EPB41L3: variants seen among roughly 807,000 people sequenced by gnomAD.
EPB41L3 encodes erythrocyte membrane protein band 4.1 like 3.
EPB41L3 carries 57 observed loss-of-function variants against 127.1 expected under a neutral mutation model. The observed-to-expected ratio is 0.45, with a 90% CI of 0.36 to 0.56. The LOEUF (loss-of-function observed/expected upper bound fraction) is 0.56, where lower values mean the gene tolerates loss of function less well. Among genes scored for constraint, EPB41L3 ranks in the 20% least tolerant of loss-of-function variants. EPB41L3 has a pLI of 0.00. For synonymous variants in EPB41L3, 572 were observed against 549.5 expected, an observed-to-expected ratio of 1.04 and a Z score of -0.57; for missense variants, 1,273 against 1,372.2, an observed-to-expected ratio of 0.93 and a Z score of 1.14.
At chr18:5,570,872 T>C (rs1462416226) in intron 3 of EPB41L3, 1 of 152,242 alleles carries the variant, frequency 6.6e-6, no homozygotes, top group Non-Finnish European at 1.5e-5. Context: ...AAAGTCATTA[T>C]GGAAAGCAAG....
intron 3 of EPB41L3, among the ~76,000 whole-genome samples, chr18:5,557,023 T>C (rs1414768323): frequency 3.9e-5 from 6 of 152,120 alleles, no homozygotes; most frequent in Admixed American, 2.0e-4. Context: ...TGTGGACACA[T>C]AGCTGCAAAA....
intron 1 of EPB41L3, among the ~76,000 whole-genome samples, chr18:5,620,278 G>C (rs1343008271): frequency 3.3e-5 from 5 of 152,206 alleles, no homozygotes; most frequent in African/African-American, 1.2e-4. Context: ...AAATGACATT[G>C]CTGCTTACTT....
At position 5,419,701 on chromosome 18, in the gene EPB41L3, G is replaced by A. The variant is rs559036516; in HGVS notation, c.1506+10C>T. On this transcript the variant is annotated intron_variant, in intron 12 of 22. Coordinates refer to ENST00000341928, the MANE Select transcript of EPB41L3 (RefSeq NM_012307.5). ...GGAGCAAGCTCTTGCAGGCAGTCTG[G>A]GAGCTATACCTTTCCCTCGTGCCGG... 1.2e-5 allele frequency: 20 copies of A among 1,613,486 alleles called. No homozygotes were observed. Among genetic ancestry groups the A allele is most frequent in the Non-Finnish European group, 1.6e-5 (19 of 1,179,956 alleles).
intron 3 of EPB41L3, among the ~76,000 whole-genome samples, chr18:5,568,572 G>A (rs990745016): frequency 6.6e-6 from 1 of 151,884 alleles, no homozygotes; most frequent in Non-Finnish European, 1.5e-5. Flanking sequence ...CAGAGTACAC[G>A]CAAGACCTAA....
chr18:5,510,671 T>A (rs1259023064), intron 1 of EPB41L3, among the ~76,000 whole-genome samples: 1 of 152,236 alleles, frequency 6.6e-6, no homozygotes, highest in African/African-American at 2.4e-5. Context: ...TGCGGCACTG[T>A]GTAGCCACTG....
At chr18:5,626,022 C>G (rs557217098) in intron 1 of EPB41L3, among the ~76,000 whole-genome samples, 1 of 151,830 alleles carries the variant, frequency 6.6e-6, no homozygotes, top group Non-Finnish European at 1.5e-5. Context: ...CGCACCCAAT[C>G]AGCCCCAATT....
Position 5,406,342 on chromosome 18 carries a change from C to T in EPB41L3, c.2349+435G>A. Among the ~76,000 whole-genome samples the T allele has an allele frequency of 1.3e-5, 2 of 152,102 alleles. 1 individual carries two copies. The highest frequency in any genetic ancestry group is 3.9e-4 in the East Asian group (2 of 5,192). ...AAAACTCTTGTTATATCAATAAAAG[C>T]CTGGTGTAATATCTCAGAGTAAAAT... On this transcript the variant is annotated intron_variant, in intron 16 of 22. Coordinates refer to ENST00000341928, the MANE Select transcript of EPB41L3 (RefSeq NM_012307.5).
intron 3 of EPB41L3, chr18:5,466,371 G>A (rs2084985378): frequency 6.6e-6 from 1 of 152,158 alleles, no homozygotes; most frequent in African/African-American, 2.4e-5. Context: ...ACTAATTACT[G>A]CCAGTGTACG....
intron 6 of EPB41L3, among the ~76,000 whole-genome samples, chr18:5,437,706 A>C (rs1452866356): frequency 1.3e-5 from 2 of 152,244 alleles, no homozygotes; most frequent in African/African-American, 4.8e-5. Context: ...TAAGTATTAA[A>C]GCAGAAAAAC....
chr18:5,401,524 C>T (rs1012108788), intron 16 of EPB41L3, among the ~76,000 whole-genome samples: 5 of 152,094 alleles, frequency 3.3e-5, no homozygotes, highest in Non-Finnish European at 7.4e-5. Context: ...GAAATGCATA[C>T]AATGTCACTG....
At chr18:5,518,318 C>T (rs1464561340) in intron 1 of EPB41L3, among the ~76,000 whole-genome samples, 1 of 152,130 alleles carries the variant, frequency 6.6e-6, no homozygotes, top group Non-Finnish European at 1.5e-5. Flanking sequence ...TATTCTTCCT[C>T]AGACCGCCAC....
At chr18:5,557,905 T>C (rs1025055765) in intron 3 of EPB41L3, among the ~76,000 whole-genome samples, 4 of 152,338 alleles carry the variant, frequency 2.6e-5, no homozygotes, top group East Asian at 1.9e-4. Flanking sequence ...GTTTTAACTA[T>C]AAACAAACTC....
chr18:5,476,071 C>A (rs117862146), intron 3 of EPB41L3, among the ~76,000 whole-genome samples: 1,713 of 152,210 alleles, frequency 0.011, 17 homozygotes, highest in Non-Finnish European at 0.02. Context: ...TCAACTAGCA[C>A]CTCATTGCCT....
At chr18:5,626,629 T>G (rs1426278623) in intron 1 of EPB41L3, among the ~76,000 whole-genome samples, 1 of 152,250 alleles carries the variant, frequency 6.6e-6, no homozygotes, top group East Asian at 1.9e-4. Flanking sequence ...CAGATAACTC[T>G]GAAGTCACAA....
intron 1 of EPB41L3, among the ~76,000 whole-genome samples, chr18:5,527,812 A>T (rs1048778593): frequency 2.6e-5 from 4 of 152,120 alleles, no homozygotes; most frequent in Non-Finnish European, 5.9e-5. Flanking sequence ...GAGAAGGGAG[A>T]AGCATGACTC....
At chr18:5,431,554 T>C (rs1295467813) in intron 8 of EPB41L3, among the ~76,000 whole-genome samples, 1 of 152,244 alleles carries the variant, frequency 6.6e-6, no homozygotes, top group African/African-American at 2.4e-5. Context: ...TCTGTAGCTA[T>C]AGCAATGTTA....
At chr18:5,549,719 A>T (rs1398715321) in intron 3 of EPB41L3, among the ~76,000 whole-genome samples, 2 of 152,160 alleles carry the variant, frequency 1.3e-5, no homozygotes, top group Non-Finnish European at 2.9e-5. Context: ...CATTTTTAAC[A>T]AGTTCCCCAG....
intron 1 of EPB41L3, among the ~76,000 whole-genome samples, chr18:5,615,006 C>T (rs982074036): frequency 2.0e-5 from 3 of 152,100 alleles, no homozygotes; most frequent in African/African-American, 7.2e-5. Flanking sequence ...GTACATTCTC[C>T]AGAGACACCT....
intron 3 of EPB41L3, among the ~76,000 whole-genome samples, chr18:5,476,232 C>T (rs2087192915): frequency 1.3e-5 from 2 of 152,028 alleles, no homozygotes; most frequent in African/African-American, 4.8e-5. Context: ...ATATCAATGT[C>T]TGTGGTGAAA....
Sources: gnomAD v4.1 joint callset for allele counts (sites outside exome capture counted in the v4.1 genomes callset) on GRCh38, gnomAD v4.1.1 for gene constraint, MANE v1.5 for transcripts, NCBI Gene and HGNC (gene_info 2026-07-23, HGNC 2026-07-21) for gene names.